The following ANKRD44 variants were observed in gnomAD, a reference collection of about 807,000 sequenced individuals.
ANKRD44 encodes the protein serine/threonine-protein phosphatase 6 regulatory ankyrin repeat subunit B.
Under a neutral mutation model 116.0 loss-of-function variants are expected in ANKRD44, and 35 were observed. The ratio of observed to expected loss-of-function variants is 0.30; its 90% CI spans 0.23 to 0.40. The LOEUF is 0.40. ANKRD44 is among the 10% of genes least tolerant of loss of function. The probability of loss-of-function intolerance (pLI) is 1.00; values close to 1 mark genes in which losing one functional copy is unlikely to be tolerated. For synonymous variants in ANKRD44, 435 were observed against 461.8 expected (o/e 0.94, Z 0.74); for missense variants, 1,014 against 1,242.6 (o/e 0.82, Z 2.77).
intron 16 of ANKRD44, among the ~76,000 whole-genome samples, chr2:197,049,595 T>C (rs752124141): frequency 5.9e-5 from 9 of 152,194 alleles, no homozygotes; most frequent in Non-Finnish European, 7.3e-5. Flanking sequence ...TATTTTCATG[T>C]TTTGTATATT....
intron 16 of ANKRD44, among the ~76,000 whole-genome samples, chr2:197,067,112 C>T (rs1335921810): frequency 6.6e-6 from 1 of 151,570 alleles, no homozygotes. Flanking sequence ...CAGAACAGAG[C>T]CCTCAGAAAT....
intron 16 of ANKRD44, among the ~76,000 whole-genome samples, chr2:197,066,976 G>A (rs1281740877): frequency 1.3e-5 from 2 of 152,164 alleles, no homozygotes; most frequent in Non-Finnish European, 2.9e-5. Flanking sequence ...GCGTTGCCAA[G>A]ACAATCCTAA....
rs571248250 is a variant in ANKRD44 at position 197,143,871 on chromosome 2, C to T, written c.190+3156G>A. Reference sequence around the variant, plus strand: ...CTTGAACTCCTGACCTCAAGTGATCCTCCCACCTCAGCCTCCCAAAGTGTT... The same window carrying T: ...CTTGAACTCCTGACCTCAAGTGATCTTCCCACCTCAGCCTCCCAAAGTGTT... On this transcript the variant is annotated intron_variant, in intron 3 of 27. Transcript: ENST00000282272. 2.0e-4 allele frequency among the ~76,000 whole-genome samples: 30 copies of T among 152,268 alleles called. 1 individual carries two copies. The South Asian group carries it at 6.2e-3, about 32-fold the overall frequency.
chr2:197,082,189 A>G (rs1171520164), intron 14 of ANKRD44, among the ~76,000 whole-genome samples: 1 of 152,146 alleles, frequency 6.6e-6, no homozygotes, highest in Non-Finnish European at 1.5e-5. Flanking sequence ...GATGAAGTAT[A>G]TTGTTTCCCC....
intron 2 of ANKRD44, among the ~76,000 whole-genome samples, chr2:197,153,225 CA>C (rs75600123): frequency 3.3e-3 from 229 of 69,328 alleles, no homozygotes; most frequent in African/African-American, 0.011. Flanking sequence ...AAGACCCTGC[CA>C]AAAAAAAAAA....
intron 1 of ANKRD44, among the ~76,000 whole-genome samples, chr2:197,194,237 C>A (rs571342988): frequency 3.7e-4 from 56 of 152,284 alleles, no homozygotes; most frequent in African/African-American, 1.3e-3. Context: ...ACTCAGCAAC[C>A]TCGAAATTGT....
At chr2:197,004,241 G>A (rs1245570790) in intron 21 of ANKRD44, among the ~76,000 whole-genome samples, 1 of 152,016 alleles carries the variant, frequency 6.6e-6, no homozygotes, top group African/African-American at 2.4e-5. Flanking sequence ...TGCCATTGTA[G>A]TTATTCAATA....
intron 1 of ANKRD44, among the ~76,000 whole-genome samples, chr2:197,233,822 T>A (rs147930382): frequency 6.6e-6 from 1 of 152,360 alleles, no homozygotes; most frequent in African/African-American, 2.4e-5. Flanking sequence ...TGGAGGGATA[T>A]CTATGGACCA....
chr2:197,231,547 G>A (rs893246448), intron 1 of ANKRD44, among the ~76,000 whole-genome samples: 3 of 152,146 alleles, frequency 2.0e-5, no homozygotes, highest in African/African-American at 7.2e-5. Flanking sequence ...CTCTAGGCCA[G>A]TGCTTCTCGA....
chr2:197,284,529 CACACACACACACAT>C (rs565388609), intron 1 of ANKRD44, among the ~76,000 whole-genome samples: 2,903 of 140,738 alleles, frequency 0.021, 64 homozygotes, highest in Non-Finnish European at 0.025. Context: ...CACACACACA[CACACACACACACAT>C]AATTTGTGTG....
chr2:197,054,163 A>G (rs1162963965), intron 16 of ANKRD44, among the ~76,000 whole-genome samples: 2 of 152,246 alleles, frequency 1.3e-5, no homozygotes, highest in Non-Finnish European at 2.9e-5. Flanking sequence ...ACTTATATGT[A>G]ATGTAAACAC....
At chr2:197,278,796 C>T (rs1018281344) in intron 1 of ANKRD44, among the ~76,000 whole-genome samples, 8 of 152,304 alleles carry the variant, frequency 5.3e-5, no homozygotes, top group East Asian at 1.9e-4. Context: ...ACGTAGGTCG[C>T]CAGCAAGCAA....
chr2:197,245,017 G>A (rs1408291798), intron 1 of ANKRD44, among the ~76,000 whole-genome samples: 2 of 152,202 alleles, frequency 1.3e-5, no homozygotes, highest in East Asian at 3.9e-4. Context: ...GCTCATGCCT[G>A]TAAATCCAGC....
intron 2 of ANKRD44, among the ~76,000 whole-genome samples, chr2:197,147,378 C>T (rs2079531024): frequency 6.6e-6 from 1 of 150,950 alleles, no homozygotes; most frequent in Non-Finnish European, 1.5e-5. Flanking sequence ...GATCATTATG[C>T]CCTGGATGAT....
chr2:197,246,838 C>T (rs1322812054), intron 1 of ANKRD44, among the ~76,000 whole-genome samples: 2 of 152,152 alleles, frequency 1.3e-5, no homozygotes, highest in African/African-American at 2.4e-5. Flanking sequence ...TGAGGTACAG[C>T]ATGGTTGGCA....
At chr2:197,303,957 A>G (rs1315510259) in intron 1 of ANKRD44, among the ~76,000 whole-genome samples, 1 of 152,336 alleles carries the variant, frequency 6.6e-6, no homozygotes, top group East Asian at 1.9e-4. Context: ...CTCTGAAAGC[A>G]GCCAAAGCCA....
chr2:197,170,183 C>G (rs2080194352), intron 2 of ANKRD44, among the ~76,000 whole-genome samples: 1 of 64,650 alleles, frequency 1.5e-5, no homozygotes, highest in South Asian at 8.7e-4. Context: ...GAACAAGACC[C>G]TGTTTCCAAA....
At chr2:197,028,811 G>A in intron 16 of ANKRD44, 1 of 212,480 alleles carries the variant, frequency 4.7e-6, no homozygotes, top group Admixed American at 5.8e-5. Flanking sequence ...CCCACCAGAG[G>A]TTTCCTCTGC....
intron 1 of ANKRD44, among the ~76,000 whole-genome samples, chr2:197,289,874 C>CT (rs1220826428): frequency 2.4e-3 from 346 of 144,174 alleles, no homozygotes; most frequent in East Asian, 3.0e-3. Flanking sequence ...CAATTTTTCT[C>CT]TTTTTTTTTT....
Sources: gnomAD v4.1 joint callset for allele counts (sites outside exome capture counted in the v4.1 genomes callset) on GRCh38, gnomAD v4.1.1 for gene constraint, MANE v1.5 for transcripts, NCBI Gene and HGNC (gene_info 2026-07-23, HGNC 2026-07-21) for gene names.